SEMA6D: variants seen among roughly 807,000 people sequenced by gnomAD.
SEMA6D encodes semaphorin-6D.
SEMA6D carries 35 observed loss-of-function variants against 106.6 expected under a neutral mutation model. That is an observed-to-expected ratio of 0.33 (90% CI 0.25 to 0.44). SEMA6D has a LOEUF of 0.44. SEMA6D is among the 20% of genes least tolerant of loss of function. The probability of loss-of-function intolerance (pLI) is 1.00; values close to 1 mark genes in which losing one functional copy is unlikely to be tolerated. For missense variants in SEMA6D, 1,185 were observed against 1,345.9 expected, an observed-to-expected ratio of 0.88 and a Z score of 1.87; for synonymous variants, 499 against 487.7, an observed-to-expected ratio of 1.02 and a Z score of -0.31.
At position 47,706,756 on chromosome 15, in the gene SEMA6D, A is replaced by T. The variant is rs186493167; in HGVS notation, c.-54-52989A>T. 3.7e-3 allele frequency among the ~76,000 whole-genome samples: 562 copies of T among 151,818 alleles called. 3 individuals carry two copies. Among genetic ancestry groups the T allele is most frequent in the Admixed American group, 7.5e-3 (114 of 15,256 alleles). ...CTCTCTCTCCTCTAGATATTAGGAG[A>T]ACACTATATAAGTTGTTTTAAAATG... is the stretch of plus-strand genomic sequence containing the variant. On this transcript the variant is annotated intron_variant, in intron 4 of 19. Coordinates refer to the SEMA6D transcript ENST00000558014.
chr15:47,479,074 G>A lies in SEMA6D; in HGVS notation c.-87+8529G>A, dbSNP rs1340221652. 2.0e-5 allele frequency among the ~76,000 whole-genome samples: 3 copies of A among 152,082 alleles called. No individual in the cohort carries two copies. In the East Asian group the frequency reaches 5.8e-4, roughly 29 times the overall value. On this transcript the variant is annotated intron_variant, in intron 3 of 19. Transcript: ENST00000558014. ...TTATGGGAGCTACAATTCAAGATGA[G>A]ATTTGGGTGGGGACACAGCCAAACC...
intron 3 of SEMA6D, among the ~76,000 whole-genome samples, chr15:47,591,004 G>A (rs929511524): frequency 8.5e-5 from 13 of 152,222 alleles, no homozygotes; most frequent in Non-Finnish European, 1.9e-4. Context: ...GTCCATTCCT[G>A]GTGCTATAAC....
At chr15:47,659,053 A>T (rs1408541592) in intron 4 of SEMA6D, among the ~76,000 whole-genome samples, 1 of 152,150 alleles carries the variant, frequency 6.6e-6, no homozygotes, top group Non-Finnish European at 1.5e-5. Context: ...TTTTCAAATT[A>T]ATGAACTTAT....
chr15:47,636,336 G>A (rs1191529516), intron 4 of SEMA6D, among the ~76,000 whole-genome samples: 1 of 152,146 alleles, frequency 6.6e-6, no homozygotes, highest in Non-Finnish European at 1.5e-5. Context: ...TATTGATCAT[G>A]GCTGAACCAG....
chr15:47,702,817 C>T (rs1340891328), intron 4 of SEMA6D, among the ~76,000 whole-genome samples: 1 of 151,968 alleles, frequency 6.6e-6, no homozygotes, highest in Non-Finnish European at 1.5e-5. Flanking sequence ...AAGGCAAAAC[C>T]AGGGACACAG....
chr15:47,200,282 G>A (rs1894636801), intron 1 of SEMA6D, among the ~76,000 whole-genome samples: 1 of 152,110 alleles, frequency 6.6e-6, no homozygotes, highest in Admixed American at 6.6e-5. Flanking sequence ...AGCTTGTTGG[G>A]AAGAAGACCA....
chr15:47,699,847 G>A (rs2078773344), intron 4 of SEMA6D, among the ~76,000 whole-genome samples: 1 of 152,170 alleles, frequency 6.6e-6, no homozygotes, highest in Non-Finnish European at 1.5e-5. Flanking sequence ...AACCGCCTTT[G>A]CAGATGACAT....
intron 3 of SEMA6D, among the ~76,000 whole-genome samples, chr15:47,485,336 G>A (rs1172670842): frequency 6.6e-6 from 1 of 151,974 alleles, no homozygotes; most frequent in Non-Finnish European, 1.5e-5. Flanking sequence ...ATCTAAACAT[G>A]GTTTATTTTT....
intron 4 of SEMA6D, among the ~76,000 whole-genome samples, chr15:47,689,935 C>G (rs1478660761): frequency 6.6e-6 from 1 of 152,214 alleles, no homozygotes; most frequent in African/African-American, 2.4e-5. Flanking sequence ...TCCTGGACAG[C>G]AAGAGATTTG....
rs1307756146 is a variant in SEMA6D at position 47,227,542 on chromosome 15, TTCTC to T, written c.-239+43132_-239+43135del. Among the ~76,000 whole-genome samples, 114 of 122,792 alleles carry T rather than the reference TTCTC, an allele frequency of 9.3e-4. 1 individual carries two copies. Among genetic ancestry groups the T allele is most frequent in the Non-Finnish European group, 1.8e-3 (106 of 58,306 alleles). 80.6% of individuals were successfully genotyped at this position (122,792 alleles called of 152,430 possible). A position where few individuals can be genotyped will look rare whatever the true frequency, so the allele number is the denominator to read the frequency against. The stretch of plus-strand genomic sequence containing the variant: ...TTTTCTTTCTTCCTCTTTCTCCTCT[TTCTC>T]TCTCTCTGTCTCTCTCTCTCTCTCA... On this transcript the variant is annotated intron_variant, in intron 1 of 19. Transcript: ENST00000558014.
chr15:47,617,570 A>AT (rs141044263), intron 4 of SEMA6D, among the ~76,000 whole-genome samples: 2 of 152,006 alleles, frequency 1.3e-5, no homozygotes, highest in African/African-American at 2.4e-5. Context: ...GTTTCTTTGT[A>AT]TTTTTTTCCC....
chr15:47,633,217 G>T (rs2077323347), intron 4 of SEMA6D, among the ~76,000 whole-genome samples: 1 of 151,986 alleles, frequency 6.6e-6, no homozygotes, highest in African/African-American at 2.4e-5. Context: ...TCCCATTCCA[G>T]TATTCTATCA....
At chr15:47,376,143 A>G (rs1223763395) in intron 1 of SEMA6D, among the ~76,000 whole-genome samples, 4 of 152,214 alleles carry the variant, frequency 2.6e-5, no homozygotes, top group African/African-American at 7.2e-5. Context: ...ACACCTGATC[A>G]GTTATTTCCA....
intron 3 of SEMA6D, among the ~76,000 whole-genome samples, chr15:47,472,671 AT>A (rs2042886638): frequency 6.6e-6 from 1 of 152,124 alleles, no homozygotes; most frequent in Admixed American, 6.5e-5. Flanking sequence ...AATATCAAAA[AT>A]ATCAATAAAA....
chr15:47,766,436 A>G, intron 15 of SEMA6D, 180 bp from the exon 16 acceptor site: 1 of 645,256 alleles, frequency 1.5e-6, no homozygotes, highest in Non-Finnish European at 2.7e-6. Context: ...TAAGCATTCT[A>G]GTTCACCAGT....
chr15:47,367,966 C>CT (rs5812384), intron 1 of SEMA6D, among the ~76,000 whole-genome samples: 7,602 of 147,970 alleles, frequency 0.051, 315 homozygotes, highest in African/African-American at 0.11. Flanking sequence ...CTTAATGCTC[C>CT]TTTTTTTTTT....
At chr15:47,588,212 C>G (rs922364022) in intron 3 of SEMA6D, among the ~76,000 whole-genome samples, 2 of 152,194 alleles carry the variant, frequency 1.3e-5, no homozygotes, top group Non-Finnish European at 2.9e-5. Flanking sequence ...CATGTCTGTC[C>G]TCTCACTCTC....
chr15:47,633,006 A>T (rs2573567), intron 4 of SEMA6D, among the ~76,000 whole-genome samples: 86,939 of 151,728 alleles, frequency 0.57, 25,630 homozygotes, highest in South Asian at 0.69. Context: ...TACCACTTCA[A>T]GTGATAGGTA....
chr15:47,663,513 C>A (rs1322558625), intron 4 of SEMA6D, among the ~76,000 whole-genome samples: 1 of 152,066 alleles, frequency 6.6e-6, no homozygotes, highest in East Asian at 1.9e-4. Flanking sequence ...TGAAAAGAGG[C>A]ATTTACTTGT....
Sources: allele counts gnomAD v4.1 joint callset (sites outside exome capture counted in the v4.1 genomes callset), GRCh38; gene constraint gnomAD v4.1.1; transcripts MANE v1.5; gene names NCBI Gene and HGNC (gene_info 2026-07-23, HGNC 2026-07-21).